MET: variants seen among roughly 807,000 people sequenced by gnomAD.
MET encodes the protein hepatocyte growth factor receptor.
MET carries 48 observed loss-of-function variants against 133.1 expected under a neutral mutation model. The observed-to-expected ratio is 0.36, with a 90% CI of 0.29 to 0.46. The LOEUF is 0.46. Among genes scored for constraint, MET ranks in the 20% least tolerant of loss-of-function variants. MET has a pLI of 1.00. For missense variants in MET, 1,442 were observed against 1,695.9 expected (o/e 0.85, Z 2.63); for synonymous variants, 628 against 616.5 (o/e 1.02, Z -0.28).
chr7:116,713,606 G>C (rs1340643010), intron 2 of MET, among the ~76,000 whole-genome samples: 1 of 152,068 alleles, frequency 6.6e-6, no homozygotes, highest in African/African-American at 2.4e-5. Context: ...TGCTGAGAAG[G>C]GGAGCCCACA....
intron 1 of MET, 105 bp from the exon 2 acceptor site, chr7:116,698,966 C>T (rs1797060208): frequency 6.6e-7 from 1 of 1,511,904 alleles, no homozygotes; most frequent in Non-Finnish European, 9.0e-7. Flanking sequence ...ATGTAAAAGT[C>T]CAGTTGGGAA....
At chr7:116,739,882 T>C (rs2116824488) in intron 3 of MET, 68 bp from the exon 4 acceptor site, 1 of 1,607,928 alleles carries the variant, frequency 6.2e-7, no homozygotes, top group African/African-American at 1.3e-5. Context: ...CATTATCATC[T>C]ACATTTTCCA....
intron 5 of MET, among the ~76,000 whole-genome samples, chr7:116,743,332 G>GT (rs1290614302): frequency 1.3e-5 from 2 of 152,064 alleles, no homozygotes; most frequent in Non-Finnish European, 1.5e-5. Flanking sequence ...CCGAGCAGGA[G>GT]TTTTTTTTCA....
chr7:116,783,688 TC>T (rs565349390), intron 19 of MET, among the ~76,000 whole-genome samples: 4 of 152,178 alleles, frequency 2.6e-5, no homozygotes, highest in Non-Finnish European at 5.9e-5. Context: ...ACATACCAGC[TC>T]CTTAGGAAGC....
intron 2 of MET, among the ~76,000 whole-genome samples, chr7:116,720,064 T>C (rs1792418141): frequency 6.6e-6 from 1 of 152,264 alleles, no homozygotes; most frequent in African/African-American, 2.4e-5. Flanking sequence ...GCATTGAATC[T>C]ATAAATTACC....
intron 2 of MET, among the ~76,000 whole-genome samples, chr7:116,704,893 T>G (rs117610086): frequency 2.2e-4 from 34 of 152,232 alleles, no homozygotes; most frequent in Admixed American, 5.2e-4. Context: ...GTTGTTTGTA[T>G]TGGGCTTCCT....
intron 2 of MET, among the ~76,000 whole-genome samples, chr7:116,729,162 ACTC>A (rs1792901353): frequency 6.6e-6 from 1 of 152,180 alleles, no homozygotes; most frequent in Non-Finnish European, 1.5e-5. Flanking sequence ...GTTATCTGCT[ACTC>A]CTCAGAGTAA....
At chr7:116,718,506 T>A (rs564779395) in intron 2 of MET, among the ~76,000 whole-genome samples, 128 of 152,238 alleles carry the variant, frequency 8.4e-4, no homozygotes, top group South Asian at 5.2e-3. Context: ...CCTTTTTTTT[T>A]TATACTTTAA....
At chr7:116,715,809 A>G (rs1243669987) in intron 2 of MET, among the ~76,000 whole-genome samples, 1 of 152,218 alleles carries the variant, frequency 6.6e-6, no homozygotes, top group African/African-American at 2.4e-5. Flanking sequence ...CTAGGTTAGC[A>G]TGGTTGTCAC....
intron 2 of MET, among the ~76,000 whole-genome samples, chr7:116,708,796 G>A (rs1274547369): frequency 6.6e-6 from 1 of 152,030 alleles, no homozygotes; most frequent in Admixed American, 6.6e-5. Flanking sequence ...TTGGGACCCC[G>A]TTTGTCAGAA....
At chr7:116,683,282 C>T (rs1050396275) in intron 1 of MET, among the ~76,000 whole-genome samples, 1 of 152,218 alleles carries the variant, frequency 6.6e-6, no homozygotes, top group Non-Finnish European at 1.5e-5. Context: ...CATCGTTTAG[C>T]TCCCACTTAT....
At chr7:116,734,604 T>G (rs181637225) in intron 3 of MET, among the ~76,000 whole-genome samples, 6 of 152,362 alleles carry the variant, frequency 3.9e-5, no homozygotes, top group Admixed American at 2.0e-4. Context: ...TACATATATT[T>G]AAGTCTCAAT....
intron 2 of MET, among the ~76,000 whole-genome samples, chr7:116,714,691 C>T (rs985778943): frequency 7.3e-5 from 11 of 151,408 alleles, no homozygotes; most frequent in African/African-American, 2.7e-4. Flanking sequence ...CAAGTGAAAA[C>T]TTATTTTGTT....
rs398123567 is a variant in MET at position 116,699,231 on chromosome 7, A to G, written c.147A>G (p.Glu49=). Residue 49 remains glutamate (E), a synonymous_variant, in exon 2 of 21, where the codon GAA becomes GAG. Transcript: ENST00000397752. ...ATCAGCTTCCCAACTTCACCGCGGA[A>G]ACACCCATCCAGAATGTCATTCTAC... ...MKYQLPNFTA[E]TPIQNVILHE... 35 of 1,613,860 alleles carry G rather than the reference A, an allele frequency of 2.2e-5. No individual in the cohort carries two copies. The highest frequency in any genetic ancestry group is 3.0e-5 in the Non-Finnish European group (35 of 1,179,922).
At chr7:116,734,385 C>G (rs1409620584) in intron 3 of MET, among the ~76,000 whole-genome samples, 1 of 152,228 alleles carries the variant, frequency 6.6e-6, no homozygotes, top group Non-Finnish European at 1.5e-5. Flanking sequence ...TTATGTTCAG[C>G]TCTGGCTGGG....
At chr7:116,698,977 G>A (rs541297306) in intron 1 of MET, 94 bp from the exon 2 acceptor site, 23 of 1,563,792 alleles carry the variant, frequency 1.5e-5, no homozygotes, top group Non-Finnish European at 1.8e-5. Flanking sequence ...CAGTTGGGAA[G>A]CTTTATTTCT....
intron 5 of MET, among the ~76,000 whole-genome samples, chr7:116,744,717 C>G (rs868076820): frequency 2.0e-5 from 3 of 152,156 alleles, no homozygotes; most frequent in Admixed American, 6.5e-5. Flanking sequence ...TCTAGAAGAG[C>G]AACACCAAGA....
At chr7:116,795,535 C>T in intron 19 of MET, 120 bp from the exon 20 acceptor site, 1 of 1,380,730 alleles carries the variant, frequency 7.2e-7, no homozygotes, top group Non-Finnish European at 1.0e-6. Context: ...AATTGTTGCC[C>T]AAAACAGAAA....
chr7:116,727,642 T>C (rs1426363944), intron 2 of MET, among the ~76,000 whole-genome samples: 1 of 152,156 alleles, frequency 6.6e-6, no homozygotes, highest in Non-Finnish European at 1.5e-5. Flanking sequence ...TGCTCAGTTT[T>C]ACCCTAAGAC....
Sources: allele counts gnomAD v4.1 joint callset (sites outside exome capture counted in the v4.1 genomes callset), GRCh38; gene constraint gnomAD v4.1.1; transcripts MANE v1.5; gene names NCBI Gene and HGNC (gene_info 2026-07-23, HGNC 2026-07-21).